The following NR1I2 variants were observed in gnomAD, a reference collection of about 807,000 sequenced individuals.
NR1I2 encodes the protein nuclear receptor subfamily 1 group I member 2.
NR1I2 carries 42 observed loss-of-function variants against 43.3 expected under a neutral mutation model. That is an observed-to-expected ratio of 0.97 (90% CI 0.76 to 1.26). The LOEUF is 1.26. Among genes scored for constraint, NR1I2 ranks in the 50% most tolerant of loss-of-function variants. The pLI is 0.00. For synonymous variants in NR1I2, 229 were observed against 215.0 expected (o/e 1.06, Z -0.57); for missense variants, 559 against 566.7 (o/e 0.99, Z 0.14).
intron 1 of NR1I2, among the ~76,000 whole-genome samples, chr3:119,798,565 G>C (rs775269149): frequency 2.0e-5 from 3 of 151,312 alleles, no homozygotes; most frequent in Non-Finnish European, 4.4e-5. Context: ...GCGTGAACCC[G>C]GGGGGCGGAG....
chr3:119,810,282 G>A, intron 3 of NR1I2, 88 bp downstream of exon 3: 1 of 1,505,098 alleles, frequency 6.6e-7, no homozygotes, highest in Non-Finnish European at 8.9e-7. Flanking sequence ...CTTGTGTGGA[G>A]ATGCGCGCCG....
In NR1I2 at chr3:119,810,302, G is replaced by A. The variant is rs2055221284; in HGVS notation, c.331+108G>A. On this transcript the variant is annotated intron_variant, in intron 3 of 8. Coordinates refer to ENST00000393716, the MANE Select transcript of NR1I2 (RefSeq NM_003889.4). The stretch of plus-strand genomic sequence containing the variant: ...GTGGAGATGCGCGCCGAGTGTGCGC[G>A]TGAACACACGTGCACATGTGAGCTG... 5.9e-5 allele frequency: 86 copies of A among 1,453,848 alleles called. No individual in the cohort carries two copies. In the South Asian group the frequency reaches 8.8e-4, roughly 15 times the overall value. The allele number at this position is 1,453,848 out of a possible 1,614,324, so 90.1% of individuals were successfully genotyped here. A position where few individuals can be genotyped will look rare whatever the true frequency, so the allele number is the denominator to read the frequency against.
intron 5 of NR1I2, among the ~76,000 whole-genome samples, chr3:119,814,107 G>T (rs2055284369): frequency 6.6e-6 from 1 of 152,190 alleles, no homozygotes; most frequent in Non-Finnish European, 1.5e-5. Flanking sequence ...GTAGCTCAGT[G>T]TTAGGGATCT....
intron 5 of NR1I2, among the ~76,000 whole-genome samples, chr3:119,814,074 A>G (rs921891107): frequency 6.6e-6 from 1 of 152,218 alleles, no homozygotes; most frequent in African/African-American, 2.4e-5. Context: ...GCACAGAAGA[A>G]TAAGATCAAT....
intron 2 of NR1I2, among the ~76,000 whole-genome samples, chr3:119,807,988 C>T (rs1410635160): frequency 1.3e-5 from 2 of 152,192 alleles, no homozygotes; most frequent in Admixed American, 6.5e-5. Context: ...CCTGACAGCC[C>T]TTTGCAGAGT....
intron 5 of NR1I2, among the ~76,000 whole-genome samples, 192 bp downstream of exon 5, chr3:119,813,152 G>C (rs1456300384): frequency 6.6e-6 from 1 of 152,152 alleles, no homozygotes; most frequent in African/African-American, 2.4e-5. Context: ...TTAGTTTTGT[G>C]GCTGTGGGCC....
In NR1I2 at chr3:119,817,592, G is replaced by T; in HGVS notation, c.*380G>T. 2.6e-6 allele frequency: 3 copies of T among 1,168,474 alleles called. No homozygotes were observed. Among genetic ancestry groups the T allele is most frequent in the Non-Finnish European group, 3.2e-6 (3 of 933,150 alleles). 72.4% of individuals were successfully genotyped at this position (1,168,474 alleles called of 1,614,324 possible). A position where few individuals can be genotyped will look rare whatever the true frequency, so the allele number is the denominator to read the frequency against. On this transcript the variant is annotated 3_prime_UTR_variant, in exon 9 of 9. Transcript: ENST00000393716. ...CAAGCGACCAAGGATGGGCCATCTG[G>T]GGTCTATGCCCACATACCCACGTTT...
intron 4 of NR1I2, 150 bp downstream of exon 4, chr3:119,811,876 T>G (rs747813296): frequency 3.7e-6 from 3 of 812,274 alleles, no homozygotes; most frequent in Non-Finnish European, 6.1e-6. Flanking sequence ...GCATCTGTGC[T>G]AGCTCCTCAA....
Position 119,817,820 on chromosome 3 carries a change from CG to C in NR1I2, c.*610del. ...TCAGAAGCTTGGCATGACCTCATTC[CG>C]GCCACATCATTCTGTGTCTCTGCAT... is the stretch of plus-strand genomic sequence containing the variant. On this transcript the variant is annotated 3_prime_UTR_variant, in exon 9 of 9. Transcript: ENST00000393716. 2.0e-6 allele frequency: 2 copies of C among 998,084 alleles called. No homozygotes were observed. Among genetic ancestry groups the C allele is most frequent in the South Asian group, 4.4e-5 (1 of 22,752 alleles). The allele number at this position is 998,084 out of a possible 1,614,324, so 61.8% of individuals were successfully genotyped here.
At position 119,812,923 on chromosome 3, in the gene NR1I2, G is replaced by A; in HGVS notation, c.757G>A (p.Gly253Ser). The change falls in exon 5 of 9, where the codon GGC becomes AGC. Residue 253 changes from glycine to serine, a missense_variant. Physicochemically the swap from Gly to Ser is moderately conservative, Grantham distance 56. This residue lies in a region of NR1I2 where 323 missense variants were observed against 312.2 expected (regional missense o/e 1.03). Transcript: ENST00000393716. The stretch of plus-strand genomic sequence containing the variant: ...TGACATGTCAACCTACATGTTCAAA[G>A]GCATCATCAGCTTTGCCAAAGTCAT... The A allele has an allele frequency of 6.2e-7, 1 of 1,614,016 alleles. No homozygotes were observed. Among genetic ancestry groups the A allele is most frequent in the Non-Finnish European group, 8.5e-7 (1 of 1,180,046 alleles).
At position 119,815,742 on chromosome 3, in the gene NR1I2, G is replaced by A. The variant is rs150387336; in HGVS notation, c.1071G>A (p.Leu357=). The change falls in exon 8 of 9, where the codon CTG becomes CTA. Residue 357 remains leucine (L), a synonymous_variant. Coordinates refer to ENST00000393716, the MANE Select transcript of NR1I2 (RefSeq NM_003889.4). ...CCCCTCCAGACCGCCCAGGTGTGCT[G>A]CAGCACCGCGTGGTGGACCAGCTGC... 8.6e-5 allele frequency: 139 copies of A among 1,613,378 alleles called. No homozygotes were observed. The highest frequency in any genetic ancestry group is 4.0e-5 in the African/African-American group (3 of 74,932).
chr3:119,792,810 G>A (rs571164176), intron 1 of NR1I2, among the ~76,000 whole-genome samples: 13 of 152,282 alleles, frequency 8.5e-5, no homozygotes, highest in African/African-American at 3.1e-4. Context: ...AGGAGGCAGA[G>A]GATATAGTGA....
intron 2 of NR1I2, among the ~76,000 whole-genome samples, chr3:119,809,230 A>C (rs2461815): frequency 2.0e-5 from 3 of 152,126 alleles, no homozygotes; most frequent in African/African-American, 4.8e-5. Context: ...TAAAGGTAGG[A>C]CTGCACTGAC....
chr3:119,809,981 G>A, intron 2 of NR1I2, 80 bp from the exon 3 acceptor site: 4 of 1,579,840 alleles, frequency 2.5e-6, no homozygotes, highest in Non-Finnish European at 3.5e-6. Flanking sequence ...GGCTGGGGAG[G>A]GAGGTGGTAT....
At chr3:119,801,551 G>A (rs985053348) in intron 1 of NR1I2, among the ~76,000 whole-genome samples, 1 of 152,250 alleles carries the variant, frequency 6.6e-6, no homozygotes, top group African/African-American at 2.4e-5. Context: ...GAGCAGGACT[G>A]CAGCTGCTGG....
intron 5 of NR1I2, 76 bp downstream of exon 5, chr3:119,813,036 G>C: frequency 6.6e-7 from 1 of 1,509,894 alleles, no homozygotes. Flanking sequence ...GCCTGGGGTA[G>C]ATCCTGAATT....
intron 1 of NR1I2, among the ~76,000 whole-genome samples, chr3:119,806,841 T>A (rs1398367712): frequency 6.6e-6 from 1 of 152,184 alleles, no homozygotes; most frequent in Non-Finnish European, 1.5e-5. Context: ...GAACAAGTAA[T>A]CTGTCCATGA....
chr3:119,791,351 A>G (rs143723463), intron 1 of NR1I2, among the ~76,000 whole-genome samples: 1 of 152,250 alleles, frequency 6.6e-6, no homozygotes, highest in African/African-American at 2.4e-5. Context: ...GGCTAGATTA[A>G]CATCTATGAG....
chr3:119,813,857 C>T (rs1228453127), intron 5 of NR1I2, among the ~76,000 whole-genome samples: 2 of 152,126 alleles, frequency 1.3e-5, no homozygotes, highest in African/African-American at 4.8e-5. Context: ...CAATTTAACA[C>T]CAGGGCTTCC....
Sources: allele counts gnomAD v4.1 joint callset (sites outside exome capture counted in the v4.1 genomes callset), GRCh38; gene constraint gnomAD v4.1.1; regional missense constraint gnomAD v4.1.1; transcripts MANE v1.5; gene names NCBI Gene and HGNC (gene_info 2026-07-23, HGNC 2026-07-21).